Variants in CDT1 observed in about 807,000 individuals in gnomAD.
CDT1 encodes the protein DNA replication factor Cdt1.
A neutral mutation model predicts 49.3 loss-of-function variants in CDT1; 66 were observed. That is an observed-to-expected ratio of 1.34 (90% CI 1.10 to 1.64). The LOEUF (loss-of-function observed/expected upper bound fraction) is 1.64, where lower values mean the gene tolerates loss of function less well. Among genes scored for constraint, CDT1 ranks in the 40% most tolerant of loss-of-function variants. The probability of loss-of-function intolerance (pLI) is 0.00; values close to 1 mark genes in which losing one functional copy is unlikely to be tolerated. For synonymous variants in CDT1, 424 were observed against 347.4 expected (o/e 1.22, Z -2.45); for missense variants, 958 against 807.7 (o/e 1.19, Z -2.26).
chr16:88,806,896 G>C (rs1040702730), intron 7 of CDT1, among the ~76,000 whole-genome samples, 155 bp from the exon 8 acceptor site: 2 of 152,272 alleles, frequency 1.3e-5, no homozygotes, highest in Non-Finnish European at 2.9e-5. Flanking sequence ...GCCTGGGCAG[G>C]CGATGCTGCA....
chr16:88,807,470 A>T lies in CDT1; in HGVS notation c.1465A>T (p.Ile489Phe). 6.2e-7 allele frequency: 1 copy of T among 1,613,026 alleles called. No individual in the cohort carries two copies. Among genetic ancestry groups the T allele is most frequent in the South Asian group, 1.1e-5 (1 of 91,072 alleles). ...CARMVGSCCTIMSPGEMEKHL... is the reference protein window; with the variant it reads ...CARMVGSCCTFMSPGEMEKHL... The stretch of plus-strand genomic sequence containing the variant: ...CAGGATGGTGGGCAGCTGTTGTACT[A>T]TCATGAGCCCTGGTACGTGCAGGGC... The change falls in exon 9 of 10, where the codon ATC becomes TTC. Residue 489 changes from isoleucine to phenylalanine, a missense_variant. By Grantham distance (21) the Ile-to-Phe change is conservative. Coordinates refer to ENST00000301019, the MANE Select transcript of CDT1 (RefSeq NM_030928.4).
Position 88,804,077 on chromosome 16 carries a change from A to C in CDT1, c.228+18A>C. 7.2e-7 allele frequency: 1 copy of C among 1,379,770 alleles called. No individual in the cohort carries two copies. The highest frequency in any genetic ancestry group is 3.0e-5 in the East Asian group (1 of 33,066). The allele number at this position is 1,379,770 out of a possible 1,614,324, so 85.5% of individuals were successfully genotyped here. On this transcript the variant is annotated intron_variant, in intron 1 of 9. Coordinates refer to ENST00000301019, the MANE Select transcript of CDT1 (RefSeq NM_030928.4). Reference sequence around the variant, plus strand: ...TGGACGAGGTGAGGGGCGTGGGGAGACTGAGGCCGGGGAGTTGGGGGCGGG... The same window carrying C: ...TGGACGAGGTGAGGGGCGTGGGGAGCCTGAGGCCGGGGAGTTGGGGGCGGG...
In CDT1 at chr16:88,804,984, G is replaced by A. The variant is rs947965639; in HGVS notation, c.488+86G>A. ...CCCAGCGAGCCTGTCAGAGGCCCAG[G>A]TCTGCTCCTTCCAGGGAGGGTGGTG... On this transcript the variant is annotated intron_variant, in intron 3 of 9. Transcript: ENST00000301019. 8.0e-6 allele frequency: 12 copies of A among 1,493,302 alleles called. No homozygotes were observed. The African/African-American group carries it at 1.4e-4, about 17-fold the overall frequency. The allele number at this position is 1,493,302 out of a possible 1,614,324, so 92.5% of individuals were successfully genotyped here.
Position 88,808,175 on chromosome 16 carries a change from A to ACCGCAT in CDT1, c.1544_1549dup (p.Ile515_Arg516dup). 1 of 1,612,860 alleles carries ACCGCAT rather than the reference A, an allele frequency of 6.2e-7. No individual in the cohort carries two copies. Among genetic ancestry groups the ACCGCAT allele is most frequent in the Admixed American group, 1.7e-5 (1 of 60,006 alleles). Reference sequence around the variant, plus strand: ...CTGCTGCCGGACTGGCTCAGCCTCCACCGCATCCGCACCGACACCTACGTC... The same window carrying ACCGCAT: ...CTGCTGCCGGACTGGCTCAGCCTCCACCGCATCCGCATCCGCACCGACACCTACGTC... On this transcript the variant is annotated inframe_insertion, in exon 10 of 10. Coordinates refer to ENST00000301019, the MANE Select transcript of CDT1 (RefSeq NM_030928.4).
Position 88,803,846 on chromosome 16 carries a change from C to A in CDT1, c.15C>A (p.Arg5=), listed in dbSNP as rs372245967. The change falls in exon 1 of 10, where the codon CGC becomes CGA. Residue 5 remains arginine, a synonymous_variant. Coordinates refer to ENST00000301019, the MANE Select transcript of CDT1 (RefSeq NM_030928.4). MEQR[R]VTDFFARRRP... ...ACTCCGCCGCCATGGAGCAGCGCCG[C>A]GTCACCGACTTCTTCGCGCGCCGCC... The A allele has an allele frequency of 3.0e-4, 444 of 1,500,990 alleles. 1 individual carries two copies. In the African/African-American group the frequency reaches 5.7e-3, roughly 19 times the overall value. The allele number at this position is 1,500,990 out of a possible 1,614,324, so 93.0% of individuals were successfully genotyped here. A position where few individuals can be genotyped will look rare whatever the true frequency, so the allele number is the denominator to read the frequency against.
chr16:88,806,104 G>A lies in CDT1; in HGVS notation c.916G>A (p.Val306Ile), dbSNP rs542082324. 186 of 1,598,766 alleles carry A rather than the reference G, an allele frequency of 1.2e-4. 1 individual carries two copies. The South Asian group carries it at 1.3e-3, about 11-fold the overall frequency. Residue 306 changes from valine to isoleucine, a missense_variant, in exon 6 of 10, where the codon GTC (valine) becomes ATC (isoleucine). Transcript: ENST00000301019. ...QIFSQKLVEH[V>I]KEHHKAFLAS... ...CTTCAGCCAGAAGCTGGTGGAGCATGTCAAGGAGCACCACAAGGTGAGCGG... is the reference window on the plus strand; with the variant it reads ...CTTCAGCCAGAAGCTGGTGGAGCATATCAAGGAGCACCACAAGGTGAGCGG...
Position 88,806,736 on chromosome 16 carries a change from G to A in CDT1, c.1122+62G>A, listed in dbSNP as rs931026616. 1.9e-6 allele frequency: 3 copies of A among 1,538,716 alleles called. No individual in the cohort carries two copies. In the African/African-American group the frequency reaches 4.1e-5, roughly 21 times the overall value. ...GGTGGGTGGGCCAGCCTGACCCCAGGCTTAAGAGGTGGAAGCCTTGGTGAT... is the reference window on the plus strand; with the variant it reads ...GGTGGGTGGGCCAGCCTGACCCCAGACTTAAGAGGTGGAAGCCTTGGTGAT... On this transcript the variant is annotated intron_variant, in intron 7 of 9. Coordinates refer to ENST00000301019, the MANE Select transcript of CDT1 (RefSeq NM_030928.4).
chr16:88,808,019 C>G, intron 9 of CDT1, 96 bp from the exon 10 acceptor site: 1 of 1,385,802 alleles, frequency 7.2e-7, no homozygotes, highest in Non-Finnish European at 1.0e-6. Flanking sequence ...GGCGACCAGG[C>G]AGGCACAGAG....
chr16:88,804,874 C>G lies in CDT1; in HGVS notation c.464C>G (p.Ala155Gly), dbSNP rs1186266322. 1 of 1,593,572 alleles carries G rather than the reference C, an allele frequency of 6.3e-7. No homozygotes were observed. Among genetic ancestry groups the G allele is most frequent in the Non-Finnish European group, 8.5e-7 (1 of 1,172,582 alleles). ...QDAGESCTPEAEGRPEEPCGE... is the reference protein window; with the variant it reads ...QDAGESCTPEGEGRPEEPCGE... ...GCTGGGGAGTCCTGCACCCCAGAGG[C>G]CGAGGGCCGCCCTGAGGAGCCATGG... is the stretch of plus-strand genomic sequence containing the variant. The change falls in exon 3 of 10, where the codon GCC (alanine) becomes GGC (glycine). Residue 155 changes from alanine to glycine, a missense_variant. Physicochemically the swap from Ala to Gly is moderately conservative, Grantham distance 60. Coordinates refer to ENST00000301019, the MANE Select transcript of CDT1 (RefSeq NM_030928.4).
At chr16:88,804,145 GAGGGAC>G in intron 1 of CDT1, 86 bp downstream of exon 1, 1 of 897,820 alleles carries the variant, frequency 1.1e-6, no homozygotes, top group Non-Finnish European at 1.5e-6. Flanking sequence ...AACTGAGGCG[GAGGGAC>G]GGGGGCGGGG....
chr16:88,807,340 G>C lies in CDT1; in HGVS notation c.1335G>C (p.Glu445Asp), dbSNP rs1329153788. Residue 445 changes from glutamate to aspartate, a missense_variant, in exon 9 of 10, where the codon GAG becomes GAC. Transcript: ENST00000301019. ...AGATGACGCGGTGCCCGGAGCAGGA[G>C]CAGCGGCTGCAGCGCTTAGAACGGC... Reference protein sequence around the residue: ...LAQMTRCPEQEQRLQRLERLP... With the variant: ...LAQMTRCPEQDQRLQRLERLP... The C allele has an allele frequency of 2.5e-6, 4 of 1,612,328 alleles. No individual in the cohort carries two copies. Among genetic ancestry groups the C allele is most frequent in the Non-Finnish European group, 3.4e-6 (4 of 1,179,910 alleles).
rs1355211890 is a variant in CDT1 at position 88,808,312 on chromosome 16, A to C, written c.*34A>C. On this transcript the variant is annotated 3_prime_UTR_variant, in exon 10 of 10. Coordinates refer to ENST00000301019, the MANE Select transcript of CDT1 (RefSeq NM_030928.4). ...GCCACTGTGGACAGACGTGGGCTTC[A>C]GAAGCTCGCTGGCCTGGGCCCACCA... The C allele has an allele frequency of 6.4e-7, 1 of 1,552,390 alleles. No homozygotes were observed. Among genetic ancestry groups the C allele is most frequent in the African/African-American group, 1.4e-5 (1 of 73,672 alleles).
chr16:88,804,050 G>T lies in CDT1; in HGVS notation c.219G>T (p.Ser73=). The T allele has an allele frequency of 6.9e-7, 1 of 1,449,472 alleles. No individual in the cohort carries two copies. The highest frequency in any genetic ancestry group is 9.0e-7 in the Non-Finnish European group (1 of 1,108,238). 89.8% of individuals were successfully genotyped at this position (1,449,472 alleles called of 1,614,324 possible). The change falls in exon 1 of 10, where the codon TCG becomes TCT. Residue 73 remains serine (S), a synonymous_variant. Transcript: ENST00000301019. ...RPPARRRLRL[S]VDEVSSPSTP... ...CGGCCCGCAGGAGACTGCGGCTGTC[G>T]GTGGACGAGGTGAGGGGCGTGGGGA...
rs1909000456 is a variant in CDT1, at chr16:88,809,214, T to C, written c.*936T>C. The C allele has an allele frequency of 5.8e-6, 2 of 347,628 alleles. No homozygotes were observed. Among genetic ancestry groups the C allele is most frequent in the Non-Finnish European group, 1.1e-5 (2 of 175,858 alleles). 21.5% of individuals were successfully genotyped at this position (347,628 alleles called of 1,614,324 possible). On this transcript the variant is annotated 3_prime_UTR_variant, in exon 10 of 10. Coordinates refer to ENST00000301019, the MANE Select transcript of CDT1 (RefSeq NM_030928.4). ...CTCTGCCCACACCTTGACTTCAGTA[T>C]TTCTGACCTCCTAAACTCTAATAAA...
chr16:88,809,132 C>G lies in CDT1; in HGVS notation c.*854C>G. ...GCGGCCCTGCCCCGACACAGGCAGC[C>G]TGGAGAAGCTGGGCAGGACAAGTAG... On this transcript the variant is annotated 3_prime_UTR_variant, in exon 10 of 10. Transcript: ENST00000301019. 7.7e-6 allele frequency: 2 copies of G among 259,200 alleles called. No homozygotes were observed. The highest frequency in any genetic ancestry group is 4.1e-5 in the South Asian group (1 of 24,358). The allele number at this position is 259,200 out of a possible 1,614,324, so 16.1% of individuals were successfully genotyped here.
Position 88,803,793 on chromosome 16 carries a change from C to G in CDT1, c.-39C>G. 2 of 1,472,740 alleles carry G rather than the reference C, an allele frequency of 1.4e-6. No homozygotes were observed. Among genetic ancestry groups the G allele is most frequent in the Non-Finnish European group, 1.8e-6 (2 of 1,096,808 alleles). The allele number at this position is 1,472,740 out of a possible 1,614,324, so 91.2% of individuals were successfully genotyped here. ...GGGAACCGCGCCCGCCTCTTCCTCC[C>G]TTCCTTCTTTCCTTGCTTTCGCCGC... On this transcript the variant is annotated 5_prime_UTR_variant, in exon 1 of 10. Coordinates refer to ENST00000301019, the MANE Select transcript of CDT1 (RefSeq NM_030928.4).
At position 88,804,846 on chromosome 16, in the gene CDT1, G is replaced by A; in HGVS notation, c.436G>A (p.Asp146Asn). 5 of 1,610,904 alleles carry A rather than the reference G, an allele frequency of 3.1e-6. No homozygotes were observed. Among genetic ancestry groups the A allele is most frequent in the Non-Finnish European group, 3.4e-6 (4 of 1,179,312 alleles). ...RVRALKASAQ[D>N]AGESCTPEAE... is the part of the protein sequence containing the mutation. ...CCGGGCGCTGAAGGCCAGTGCCCAG[G>A]ATGCTGGGGAGTCCTGCACCCCAGA... Residue 146 changes from aspartate (D) to asparagine (N), a missense_variant, in exon 3 of 10, where the codon GAT (aspartate) becomes AAT (asparagine). Physicochemically the swap from Asp to Asn is conservative, Grantham distance 23. Transcript: ENST00000301019.
Position 88,808,407 on chromosome 16 carries a change from A to G in CDT1, c.*129A>G, listed in dbSNP as rs1908955558. ...CAGCGCCCCTGAGGGCCAGAGGCAG[A>G]TGTGGGCTGCAGGCTGCACAGCCCG... is the stretch of plus-strand genomic sequence containing the variant. On this transcript the variant is annotated 3_prime_UTR_variant, in exon 10 of 10. Transcript: ENST00000301019. 5 of 1,129,222 alleles carry G rather than the reference A, an allele frequency of 4.4e-6. No homozygotes were observed. In the East Asian group the frequency reaches 1.3e-4, roughly 29 times the overall value. The allele number at this position is 1,129,222 out of a possible 1,614,324, so 70.0% of individuals were successfully genotyped here.
At chr16:88,806,153 T>A (rs1247979095) in intron 6 of CDT1, 32 bp downstream of exon 6, 2 of 1,526,584 alleles carry the variant, frequency 1.3e-6, no homozygotes, top group Non-Finnish European at 1.8e-6. Context: ...TGTGTGAAGA[T>A]GGTGGCACCA....
Sources: gnomAD v4.1 joint callset for allele counts (sites outside exome capture counted in the v4.1 genomes callset) on GRCh38, gnomAD v4.1.1 for gene constraint, MANE v1.5 for transcripts, NCBI Gene and HGNC (gene_info 2026-07-23, HGNC 2026-07-21) for gene names.